The following PTPRT variants were observed in gnomAD, a reference collection of about 807,000 sequenced individuals.
The protein encoded by PTPRT is receptor-type tyrosine-protein phosphatase T.
Under a neutral mutation model 176.8 loss-of-function variants are expected in PTPRT, and 56 were observed. The observed-to-expected ratio is 0.32, with a 90% confidence interval of 0.26 to 0.40. PTPRT has a LOEUF of 0.40. Among genes scored for constraint, PTPRT ranks in the 10% least tolerant of loss-of-function variants. The pLI is 1.00. For missense variants in PTPRT, 1,540 were observed against 1,908.2 expected, an observed-to-expected ratio of 0.81 and a Z score of 3.60; for synonymous variants, 783 against 739.0, an observed-to-expected ratio of 1.06 and a Z score of -0.96.
At chr20:42,306,919 T>C (rs2057551982) in intron 12 of PTPRT, among the ~76,000 whole-genome samples, 1 of 152,202 alleles carries the variant, frequency 6.6e-6, no homozygotes, top group South Asian at 2.1e-4. Flanking sequence ...GTAGTCACTT[T>C]GTGAGACCAA....
chr20:42,810,323 A>G (rs2077680909), intron 2 of PTPRT, among the ~76,000 whole-genome samples: 1 of 152,112 alleles, frequency 6.6e-6, no homozygotes, highest in Non-Finnish European at 1.5e-5. Context: ...ATAAAATAAA[A>G]TAAGAGAGTG....
intron 7 of PTPRT, among the ~76,000 whole-genome samples, chr20:42,580,904 C>T (rs2073359213): frequency 6.6e-6 from 1 of 152,084 alleles, no homozygotes; most frequent in South Asian, 2.1e-4. Context: ...ATTTCCTTCT[C>T]CTGCCTGATT....
intron 12 of PTPRT, among the ~76,000 whole-genome samples, chr20:42,299,385 A>G (rs2057427661): frequency 6.6e-6 from 1 of 152,220 alleles, no homozygotes; most frequent in Admixed American, 6.5e-5. Flanking sequence ...TTTTCAACAC[A>G]ACGGTTTGCA....
intron 1 of PTPRT, among the ~76,000 whole-genome samples, chr20:42,895,421 G>A (rs2079278229): frequency 6.6e-6 from 1 of 152,160 alleles, no homozygotes; most frequent in Admixed American, 6.5e-5. Context: ...ACAGTCACAT[G>A]GGGAGACATC....
At chr20:42,604,313 T>C (rs936453202) in intron 7 of PTPRT, among the ~76,000 whole-genome samples, 1 of 152,216 alleles carries the variant, frequency 6.6e-6, no homozygotes, top group African/African-American at 2.4e-5. Flanking sequence ...TCTGTTAAAA[T>C]AAATGCCTGT....
chr20:42,286,869 A>C (rs2057238243), intron 12 of PTPRT, among the ~76,000 whole-genome samples: 1 of 151,980 alleles, frequency 6.6e-6, no homozygotes, highest in African/African-American at 2.4e-5. Context: ...TAATATTCAC[A>C]ACATACTAGG....
At chr20:42,923,346 A>C (rs965135576) in intron 1 of PTPRT, among the ~76,000 whole-genome samples, 1 of 152,232 alleles carries the variant, frequency 6.6e-6, no homozygotes, top group African/African-American at 2.4e-5. Flanking sequence ...CAGAAGAAGA[A>C]GACAATCTGT....
intron 12 of PTPRT, among the ~76,000 whole-genome samples, chr20:42,311,440 C>A (rs1319028270): frequency 6.6e-6 from 1 of 152,104 alleles, no homozygotes; most frequent in South Asian, 2.1e-4. Context: ...ATTCTCCTAC[C>A]CTTCCTTGAC....
chr20:42,885,735 G>C, intron 2 of PTPRT, 72 bp downstream of exon 2: 1 of 1,543,284 alleles, frequency 6.5e-7, no homozygotes, highest in Non-Finnish European at 8.8e-7. Flanking sequence ...GTGTAAGTAA[G>C]TTCTTCCCCC....
intron 1 of PTPRT, among the ~76,000 whole-genome samples, chr20:43,096,564 T>C (rs2425588): frequency 0.5 from 76,278 of 152,040 alleles, 19,969 homozygotes; most frequent in African/African-American, 0.66. Flanking sequence ...TCCTGGCCGG[T>C]TCCCCAGCTC....
chr20:42,861,350 T>C (rs1267134301), intron 2 of PTPRT, among the ~76,000 whole-genome samples: 1 of 152,226 alleles, frequency 6.6e-6, no homozygotes, highest in Non-Finnish European at 1.5e-5. Flanking sequence ...GCTTCTTGCC[T>C]AGACATTCCC....
At chr20:42,195,144 T>C (rs1432267277) in intron 16 of PTPRT, among the ~76,000 whole-genome samples, 1 of 151,914 alleles carries the variant, frequency 6.6e-6, no homozygotes, top group Non-Finnish European at 1.5e-5. Context: ...ACCCTAAAAC[T>C]TAAAGCATAA....
chr20:42,987,020 A>G (rs769329179), intron 1 of PTPRT, among the ~76,000 whole-genome samples: 6 of 152,112 alleles, frequency 3.9e-5, no homozygotes, highest in Non-Finnish European at 5.9e-5. Flanking sequence ...TCCAATCCTC[A>G]TATGGTACTG....
At chr20:43,018,923 A>C (rs573656762) in intron 1 of PTPRT, among the ~76,000 whole-genome samples, 20 of 152,370 alleles carry the variant, frequency 1.3e-4, no homozygotes, top group African/African-American at 4.6e-4. Context: ...GAAATGTGAC[A>C]ATATTTATTA....
At chr20:42,848,703 T>C (rs1004718345) in intron 2 of PTPRT, among the ~76,000 whole-genome samples, 1 of 152,244 alleles carries the variant, frequency 6.6e-6, no homozygotes, top group Non-Finnish European at 1.5e-5. Context: ...TCGTAGATTC[T>C]GGATATTGGT....
chr20:42,436,798 G>A (rs1425433039), intron 9 of PTPRT, among the ~76,000 whole-genome samples: 1 of 152,226 alleles, frequency 6.6e-6, no homozygotes, highest in Non-Finnish European at 1.5e-5. Flanking sequence ...AGGATCATGA[G>A]TGAAAGTTTT....
chr20:42,508,952 ATT>A (rs1449402996), intron 7 of PTPRT, among the ~76,000 whole-genome samples: 6 of 140,840 alleles, frequency 4.3e-5, no homozygotes, highest in Non-Finnish European at 7.6e-5. Flanking sequence ...TATAATTTAT[ATT>A]TAATTTATAG....
At chr20:42,950,649 C>T (rs2041712952) in intron 1 of PTPRT, among the ~76,000 whole-genome samples, 1 of 152,172 alleles carries the variant, frequency 6.6e-6, no homozygotes, top group African/African-American at 2.4e-5. Flanking sequence ...CACAGCCTTC[C>T]ACCTAGACAT....
At chr20:42,330,811 C>T (rs2057955216) in intron 11 of PTPRT, among the ~76,000 whole-genome samples, 1 of 152,194 alleles carries the variant, frequency 6.6e-6, no homozygotes, top group South Asian at 2.1e-4. Context: ...AAGCAGAATG[C>T]TGCAGGGGCC....
Sources: allele counts gnomAD v4.1 joint callset (sites outside exome capture counted in the v4.1 genomes callset), GRCh38; gene constraint gnomAD v4.1.1; transcripts MANE v1.5; gene names NCBI Gene and HGNC (gene_info 2026-07-23, HGNC 2026-07-21).